The following DLG2 variants were observed in gnomAD, a reference collection of about 807,000 sequenced individuals.
DLG2 encodes the protein discs large MAGUK scaffold protein 2.
Under a neutral mutation model 132.5 loss-of-function variants are expected in DLG2, and 45 were observed. The observed-to-expected ratio is 0.34, with a 90% CI of 0.27 to 0.44. The LOEUF (loss-of-function observed/expected upper bound fraction) is 0.44. DLG2 is among the 20% of genes least tolerant of loss of function. The pLI is 1.00. For synonymous variants in DLG2, 424 were observed against 419.6 expected (o/e 1.01, Z -0.13); for missense variants, 1,045 against 1,196.9 (o/e 0.87, Z 1.87).
intron 8 of DLG2, among the ~76,000 whole-genome samples, chr11:84,232,101 G>T (rs1223050874): frequency 2.0e-5 from 3 of 152,038 alleles, no homozygotes; most frequent in Admixed American, 2.0e-4. Flanking sequence ...AAGAAAAACT[G>T]CAACACAAGG....
chr11:84,812,871 G>A (rs1260336531), intron 6 of DLG2, among the ~76,000 whole-genome samples: 1 of 152,064 alleles, frequency 6.6e-6, no homozygotes, highest in Non-Finnish European at 1.5e-5. Context: ...GTTCCATATG[G>A]TGGTGTGATG....
intron 6 of DLG2, among the ~76,000 whole-genome samples, chr11:84,928,982 G>GTGTGTGTGTGTGTATA (rs1400906684): frequency 8.8e-4 from 43 of 49,102 alleles, no homozygotes; most frequent in Admixed American, 1.2e-3. Context: ...GTGTGTGTGT[G>GTGTGTGTGTGTGTATA]TATATATATA....
chr11:84,109,872 T>C (rs865824102), intron 9 of DLG2, among the ~76,000 whole-genome samples: 3 of 152,294 alleles, frequency 2.0e-5, no homozygotes, highest in South Asian at 2.1e-4. Flanking sequence ...TAGCAAGAAA[T>C]CTGATAGTCA....
At chr11:85,456,945 G>A (rs1025528812) in intron 3 of DLG2, among the ~76,000 whole-genome samples, 1 of 152,064 alleles carries the variant, frequency 6.6e-6, no homozygotes, top group Non-Finnish European at 1.5e-5. Context: ...GTTTTATTAG[G>A]CCCATTTGGT....
In DLG2 at chr11:83,520,695, G is replaced by GTAGATAGATAGATAGA. The variant is rs72459775; in HGVS notation, c.2193+11997_2193+12012dup. On this transcript the variant is annotated intron_variant, in intron 21 of 27. Transcript: ENST00000376104. ...GAAAGACAGACAGGTAAGTAGGTAG[G>GTAGATAGATAGATAGA]TAGATAGATAGATAGATAGATAGAT... Among the ~76,000 whole-genome samples the GTAGATAGATAGATAGA allele has an allele frequency of 8.8e-3, 1,318 of 149,146 alleles. 15 individuals are homozygous for GTAGATAGATAGATAGA. The highest frequency in any genetic ancestry group is 0.027 in the East Asian group (136 of 4,986).
chr11:84,287,502 C>A (rs778802996), intron 7 of DLG2, among the ~76,000 whole-genome samples: 6 of 152,044 alleles, frequency 3.9e-5, no homozygotes, highest in Admixed American at 1.3e-4. Flanking sequence ...TGTCTTAACA[C>A]TTTTAGGATA....
intron 3 of DLG2, among the ~76,000 whole-genome samples, chr11:85,381,162 A>G (rs531689313): frequency 1.3e-5 from 2 of 152,328 alleles, no homozygotes; most frequent in Admixed American, 1.3e-4. Flanking sequence ...CATGCACTTA[A>G]AGTATGCAGC....
intron 3 of DLG2, among the ~76,000 whole-genome samples, chr11:85,472,351 G>A (rs183894836): frequency 6.6e-6 from 1 of 152,110 alleles, no homozygotes; most frequent in Non-Finnish European, 1.5e-5. Flanking sequence ...CACCAGGCTG[G>A]AGTGCAGAGG....
intron 6 of DLG2, among the ~76,000 whole-genome samples, chr11:84,989,748 T>C (rs2056886196): frequency 6.6e-6 from 1 of 152,304 alleles, no homozygotes; most frequent in Non-Finnish European, 1.5e-5. Context: ...TAATCAAGAC[T>C]GTGTGATGTT....
intron 6 of DLG2, among the ~76,000 whole-genome samples, chr11:84,746,428 T>C (rs2065372179): frequency 2.1e-5 from 3 of 142,138 alleles, no homozygotes; most frequent in Non-Finnish European, 4.6e-5. Flanking sequence ...TATTTCAGCT[T>C]AGTTTAGACT....
At chr11:84,142,364 G>A (rs991176296) in intron 9 of DLG2, among the ~76,000 whole-genome samples, 4 of 150,002 alleles carry the variant, frequency 2.7e-5, no homozygotes, top group African/African-American at 7.3e-5. Context: ...TTTCAGGCCA[G>A]TAAAATGTGA....
chr11:83,567,867 A>C (rs893018495), intron 19 of DLG2, among the ~76,000 whole-genome samples: 1 of 152,180 alleles, frequency 6.6e-6, no homozygotes, highest in African/African-American at 2.4e-5. Context: ...ACAAAGCAAT[A>C]GATTTGAGAA....
chr11:85,512,957 G>T lies in DLG2; in HGVS notation c.40+85700C>A, dbSNP rs942794340. On this transcript the variant is annotated intron_variant, in intron 3 of 27. Coordinates refer to ENST00000376104, the MANE Select transcript of DLG2 (RefSeq NM_001142699.3). ...GAATCAACCCAGTTGCCCATCAACA[G>T]TAAACTGGACAAAGTAAATGTGGTA... 2.6e-5 allele frequency among the ~76,000 whole-genome samples: 4 copies of T among 151,990 alleles called. No homozygotes were observed. In the South Asian group the frequency reaches 8.3e-4, roughly 31 times the overall value.
intron 5 of DLG2, among the ~76,000 whole-genome samples, chr11:85,123,219 C>T (rs559319716): frequency 6.6e-5 from 10 of 151,596 alleles, no homozygotes; most frequent in East Asian, 3.9e-4. Flanking sequence ...CCTCGTGATC[C>T]GCCCGCCTCG....
At chr11:84,833,204 T>G (rs369602336) in intron 6 of DLG2, among the ~76,000 whole-genome samples, 1 of 151,682 alleles carries the variant, frequency 6.6e-6, no homozygotes, top group East Asian at 2.0e-4. Flanking sequence ...CAGAGTGCCC[T>G]CTGCCCCCAA....
intron 21 of DLG2, chr11:83,486,095 C>A (rs2093482295): frequency 1.8e-6 from 1 of 560,446 alleles, no homozygotes; most frequent in Non-Finnish European, 3.1e-6. Flanking sequence ...GTTTTATCAT[C>A]AATTGTAATT....
At chr11:84,498,652 C>T (rs1163821232) in intron 7 of DLG2, among the ~76,000 whole-genome samples, 1 of 152,156 alleles carries the variant, frequency 6.6e-6, no homozygotes, top group African/African-American at 2.4e-5. Context: ...AGAAACCCTA[C>T]TTTAAAAAAA....
intron 18 of DLG2, among the ~76,000 whole-genome samples, chr11:83,741,595 CA>C (rs1566782377): frequency 6.6e-6 from 1 of 152,022 alleles, no homozygotes; most frequent in Non-Finnish European, 1.5e-5. Flanking sequence ...TACAGCTAAT[CA>C]AGGAGGTGAA....
intron 6 of DLG2, among the ~76,000 whole-genome samples, chr11:84,779,141 T>C (rs948096510): frequency 2.0e-5 from 3 of 151,950 alleles, no homozygotes; most frequent in Admixed American, 1.3e-4. Context: ...CACGTTGTGA[T>C]TGTGTGAGTA....
Sources: gnomAD v4.1 joint callset for allele counts (sites outside exome capture counted in the v4.1 genomes callset) on GRCh38, gnomAD v4.1.1 for gene constraint, MANE v1.5 for transcripts, NCBI Gene and HGNC (gene_info 2026-07-23, HGNC 2026-07-21) for gene names.